Variants in TFDP2 observed in about 807,000 individuals in gnomAD.
TFDP2 encodes the protein transcription factor Dp-2, also known as transcription factor Dp-2 (E2F dimerization partner 2).
Under a neutral mutation model 59.3 loss-of-function variants are expected in TFDP2, and 17 were observed. That is an observed-to-expected ratio of 0.29 (90% confidence interval 0.20 to 0.43). The LOEUF is 0.43. TFDP2 is among the 20% of genes least tolerant of loss of function. The pLI, the probability that TFDP2 is intolerant of heterozygous loss-of-function variation, is 1.00. For missense variants in TFDP2, 391 were observed against 528.8 expected (o/e 0.74, Z 2.56); for synonymous variants, 180 against 194.7 (o/e 0.92, Z 0.63).
rs1364749118 is a variant in TFDP2 at position 142,091,601 on chromosome 3, TA to T, written c.82+1459del. ...ATAAATAAAATAAGCTAGACATTTTTATATTGGAATATAGATGTCTCTAGCC... is the reference window on the plus strand; with the variant it reads ...ATAAATAAAATAAGCTAGACATTTTTTATTGGAATATAGATGTCTCTAGCC... On this transcript the variant is annotated intron_variant, in intron 3 of 12. Transcript: ENST00000489671. 6.6e-5 allele frequency among the ~76,000 whole-genome samples: 10 copies of T among 152,272 alleles called. No individual in the cohort carries two copies. In the South Asian group the frequency reaches 1.9e-3, roughly 28 times the overall value.
rs1355217205 is a variant in TFDP2, at chr3:142,131,691, A to G, written c.-93+17492T>C. Among the ~76,000 whole-genome samples, 6 of 150,298 alleles carry G rather than the reference A, an allele frequency of 4.0e-5. 1 individual carries two copies. The East Asian group carries it at 7.7e-4, about 19-fold the overall frequency. ...TAATAAATGTAGTAAGAAATGCGTAACGCCTATCAGAAAGAATTAAAAACA... is the reference window on the plus strand; with the variant it reads ...TAATAAATGTAGTAAGAAATGCGTAGCGCCTATCAGAAAGAATTAAAAACA... On this transcript the variant is annotated intron_variant, in intron 1 of 12. Transcript: ENST00000489671.
Position 141,950,888 on chromosome 3 carries a change from A to G in TFDP2, c.*1625T>C, listed in dbSNP as rs1935872679. The G allele has an allele frequency of 6.6e-6, 1 of 152,240 alleles. No individual in the cohort carries two copies. The highest frequency in any genetic ancestry group is 1.5e-5 in the Non-Finnish European group (1 of 68,034). The allele number at this position is 152,240 out of a possible 1,614,324, so 9.4% of individuals were successfully genotyped here. ...TATCTCTGAGTCTGTACTATGGCTT[A>G]TTTCTGACAGAATGAAACTTTTGTA... On this transcript the variant is annotated 3_prime_UTR_variant, in exon 13 of 13. Transcript: ENST00000489671.
chr3:142,080,511 C>T (rs574366196), intron 3 of TFDP2, among the ~76,000 whole-genome samples: 7 of 152,138 alleles, frequency 4.6e-5, no homozygotes, highest in Admixed American at 2.6e-4. Context: ...ACAATAACAT[C>T]GAATGAAAAC....
rs182169138 is a variant in TFDP2, at chr3:142,072,745, G to A, written c.82+20316C>T. 9.2e-4 allele frequency among the ~76,000 whole-genome samples: 140 copies of A among 152,164 alleles called. 1 individual carries two copies. Among genetic ancestry groups the A allele is most frequent in the African/African-American group, 3.3e-3 (139 of 41,500 alleles). ...TGAGCAAGAAAATAAAAGTAGTATT[G>A]GATTATAACCCAGAGTATAAACTAA... On this transcript the variant is annotated intron_variant, in intron 3 of 12. Transcript: ENST00000489671.
At chr3:142,020,180 CA>C (rs1345549699) in intron 3 of TFDP2, among the ~76,000 whole-genome samples, 2 of 152,096 alleles carry the variant, frequency 1.3e-5, no homozygotes, top group African/African-American at 4.8e-5. Flanking sequence ...CCACTGAAAA[CA>C]AAGTAGACTA....
At chr3:141,994,288 ACTTACCAT>A (rs528121056) in intron 5 of TFDP2, 66 of 152,328 alleles carry the variant, frequency 4.3e-4, no homozygotes, top group African/African-American at 1.4e-3. Flanking sequence ...CTTAACTAAG[ACTTACCAT>A]CTGCTTGCTC....
chr3:142,091,063 A>T (rs1224650641), intron 3 of TFDP2, among the ~76,000 whole-genome samples: 1 of 152,170 alleles, frequency 6.6e-6, no homozygotes, highest in Non-Finnish European at 1.5e-5. Context: ...ACGTGTTGTG[A>T]ATAAGCTATG....
chr3:142,005,331 C>T, intron 4 of TFDP2, 110 bp downstream of exon 4: 1 of 863,792 alleles, frequency 1.2e-6, no homozygotes, highest in Non-Finnish European at 1.8e-6. Context: ...GAGCCACCTA[C>T]CGCGCCTGGT....
chr3:142,036,559 C>G (rs927201963), intron 3 of TFDP2, among the ~76,000 whole-genome samples: 5 of 152,176 alleles, frequency 3.3e-5, no homozygotes, highest in Non-Finnish European at 7.3e-5. Context: ...TATTCCATCT[C>G]TGTACCCTCC....
chr3:142,063,790 T>C (rs943247395), intron 3 of TFDP2, among the ~76,000 whole-genome samples: 1 of 152,152 alleles, frequency 6.6e-6, no homozygotes, highest in Admixed American at 6.5e-5. Context: ...GTCTAAGACA[T>C]GTAAAGCTTG....
chr3:141,982,934 C>A (rs147031109), intron 6 of TFDP2, among the ~76,000 whole-genome samples: 1 of 152,158 alleles, frequency 6.6e-6, no homozygotes, highest in African/African-American at 2.4e-5. Flanking sequence ...GATCCACAGT[C>A]CTTCATCTGA....
At chr3:142,140,126 T>G (rs1004390866) in intron 1 of TFDP2, among the ~76,000 whole-genome samples, 3 of 152,214 alleles carry the variant, frequency 2.0e-5, no homozygotes, top group African/African-American at 7.2e-5. Flanking sequence ...TGATCTTTAA[T>G]CACTGATATC....
intron 1 of TFDP2, among the ~76,000 whole-genome samples, chr3:142,122,151 C>T (rs2062071218): frequency 6.6e-6 from 1 of 152,182 alleles, no homozygotes; most frequent in Admixed American, 6.5e-5. Context: ...TAGAATAATA[C>T]AGACCAGAGT....
intron 1 of TFDP2, among the ~76,000 whole-genome samples, chr3:142,124,038 A>G (rs1029936813): frequency 1.3e-5 from 2 of 152,198 alleles, no homozygotes; most frequent in Non-Finnish European, 2.9e-5. Flanking sequence ...ACTCATTTAC[A>G]TAGAAAAAAA....
intron 1 of TFDP2, among the ~76,000 whole-genome samples, chr3:142,131,777 G>A (rs781456633): frequency 1.2e-4 from 18 of 149,792 alleles, no homozygotes; most frequent in Non-Finnish European, 2.4e-4. Flanking sequence ...AGGCCGAGGC[G>A]GGCAGACCAC....
At chr3:142,069,239 T>C (rs1382454656) in intron 3 of TFDP2, among the ~76,000 whole-genome samples, 3 of 152,174 alleles carry the variant, frequency 2.0e-5, no homozygotes, top group Non-Finnish European at 4.4e-5. Context: ...ATGTGTCTTC[T>C]AGATCATTCT....
chr3:142,115,310 A>AT (rs1396392143), intron 1 of TFDP2, among the ~76,000 whole-genome samples: 14 of 137,342 alleles, frequency 1.0e-4, no homozygotes, highest in African/African-American at 3.8e-4. Flanking sequence ...CATTCCACGC[A>AT]TTTTCTTTTT....
At chr3:142,101,164 CAAAT>C (rs970489746) in intron 2 of TFDP2, among the ~76,000 whole-genome samples, 5 of 151,798 alleles carry the variant, frequency 3.3e-5, no homozygotes, top group Admixed American at 1.3e-4. Context: ...TAAACAGTGA[CAAAT>C]AAATAAATAA....
chr3:142,005,308 G>T, intron 4 of TFDP2, 133 bp downstream of exon 4: 1 of 637,622 alleles, frequency 1.6e-6, no homozygotes. Flanking sequence ...CAAAGTGTTG[G>T]GATTACAGGA....
Sources: gnomAD v4.1 joint callset for allele counts (sites outside exome capture counted in the v4.1 genomes callset) on GRCh38, gnomAD v4.1.1 for gene constraint, MANE v1.5 for transcripts, NCBI Gene and HGNC (gene_info 2026-07-23, HGNC 2026-07-21) for gene names.